The following VWDE variants were observed in gnomAD, a reference collection of about 807,000 sequenced individuals.
The protein encoded by VWDE is von Willebrand factor D and EGF domain-containing protein.
In VWDE, 207 loss-of-function variants were observed where a neutral mutation model predicts 178.4. The ratio of observed to expected loss-of-function variants is 1.16; its 90% CI spans 1.04 to 1.30. VWDE has a LOEUF of 1.30. VWDE is among the 50% of genes most tolerant of loss of function. The pLI is 0.00. For missense variants in VWDE, 2,287 were observed against 1,901.3 expected (o/e 1.20, Z -3.77); for synonymous variants, 738 against 651.4 (o/e 1.13, Z -2.02).
intron 1 of VWDE, among the ~76,000 whole-genome samples, chr7:12,394,486 C>T (rs1263389120): frequency 6.6e-6 from 1 of 152,006 alleles, no homozygotes; most frequent in Non-Finnish European, 1.5e-5. Flanking sequence ...AGTCTTTGGC[C>T]TGGAAGATAC....
At chr7:12,402,238 C>T (rs909912835) in intron 1 of VWDE, among the ~76,000 whole-genome samples, 1 of 152,146 alleles carries the variant, frequency 6.6e-6, no homozygotes, top group African/African-American at 2.4e-5. Flanking sequence ...GTGGTCATCG[C>T]TGCATATACC....
chr7:12,395,653 C>A (rs1003244753), intron 1 of VWDE, among the ~76,000 whole-genome samples: 1 of 151,852 alleles, frequency 6.6e-6, no homozygotes, highest in African/African-American at 2.4e-5. Flanking sequence ...ATTTTAAATT[C>A]ATATATTTTA....
At chr7:12,352,192 T>C (rs1379089639) in intron 18 of VWDE, among the ~76,000 whole-genome samples, 1 of 152,202 alleles carries the variant, frequency 6.6e-6, no homozygotes, top group Non-Finnish European at 1.5e-5. Context: ...CCTCAATCTG[T>C]TATAGCAGCC....
chr7:12,340,899 C>G (rs552972716), intron 23 of VWDE, among the ~76,000 whole-genome samples: 14 of 152,304 alleles, frequency 9.2e-5, no homozygotes, highest in African/African-American at 3.4e-4. Flanking sequence ...GCACTCAAGT[C>G]CTAGCACACT....
At chr7:12,401,594 C>A (rs1290192682) in intron 1 of VWDE, among the ~76,000 whole-genome samples, 1 of 152,074 alleles carries the variant, frequency 6.6e-6, no homozygotes, top group Non-Finnish European at 1.5e-5. Flanking sequence ...CAATGAAATA[C>A]CACTTCACAA....
intron 3 of VWDE, among the ~76,000 whole-genome samples, chr7:12,386,996 T>C (rs946906942): frequency 4.6e-5 from 7 of 152,182 alleles, no homozygotes; most frequent in Non-Finnish European, 1.0e-4. Flanking sequence ...TTAATAAATT[T>C]TATAAGTTTA....
chr7:12,357,329 G>C lies in VWDE; in HGVS notation c.3461C>G (p.Thr1154Ser). 2 of 1,552,186 alleles carry C rather than the reference G, an allele frequency of 1.3e-6. No homozygotes were observed. The highest frequency in any genetic ancestry group is 1.2e-5 in the South Asian group (1 of 84,060). ...GLFMWKTDLL[T>S]TQQITVRLND... ...AAGGCGTACAGTAATTTGTTGGGTAGTTAGTAAATCTGTTTTCCACATAAA... is the reference window on the plus strand; with the variant it reads ...AAGGCGTACAGTAATTTGTTGGGTACTTAGTAAATCTGTTTTCCACATAAA... Residue 1154 changes from threonine to serine, a missense_variant, in exon 17 of 29, where the codon ACT becomes AGT. Thr to Ser is a moderately conservative substitution (Grantham distance 58). Transcript: ENST00000275358.
intron 19 of VWDE, among the ~76,000 whole-genome samples, chr7:12,348,104 C>T (rs889680796): frequency 2.0e-5 from 3 of 151,890 alleles, no homozygotes; most frequent in African/African-American, 7.3e-5. Context: ...AACGTTAGAC[C>T]TAAAACCATA....
chr7:12,384,177 G>A (rs1583338714), intron 3 of VWDE, among the ~76,000 whole-genome samples: 1 of 151,996 alleles, frequency 6.6e-6, no homozygotes, highest in East Asian at 1.9e-4. Context: ...GCCTTAAAAA[G>A]AATTGAGCTA....
intron 1 of VWDE, among the ~76,000 whole-genome samples, chr7:12,394,924 A>G (rs1784554057): frequency 6.6e-6 from 1 of 152,192 alleles, no homozygotes; most frequent in Non-Finnish European, 1.5e-5. Flanking sequence ...GGAGAACAAA[A>G]AATCAGAGAT....
rs745320067 is a variant in VWDE, at chr7:12,370,213, T to TC, written c.2092dup (p.Glu698GlyfsTer9). ...TTTAGTCAGGTTTATGTGTTTTTTT[T>TC]CTTGCAGAAATAAATTTAGATTATA... On this transcript the variant is annotated frameshift_variant, in exon 12 of 29. Transcript: ENST00000275358. LOFTEE classifies it high-confidence loss of function. 3.1e-5 allele frequency: 48 copies of TC among 1,551,102 alleles called. No homozygotes were observed. In the South Asian group the frequency reaches 5.5e-4, roughly 18 times the overall value.
chr7:12,339,606 T>C (rs1264489555), intron 24 of VWDE, among the ~76,000 whole-genome samples: 2 of 152,118 alleles, frequency 1.3e-5, no homozygotes, highest in Non-Finnish European at 2.9e-5. Flanking sequence ...CAAATCAAAG[T>C]GCATCGTGGC....
At chr7:12,401,750 A>G (rs1784905404) in intron 1 of VWDE, among the ~76,000 whole-genome samples, 1 of 152,188 alleles carries the variant, frequency 6.6e-6, no homozygotes, top group Non-Finnish European at 1.5e-5. Context: ...TAAGTAGTTA[A>G]TCACAGAGTT....
intron 3 of VWDE, among the ~76,000 whole-genome samples, chr7:12,388,120 T>C (rs1434013371): frequency 2.0e-5 from 3 of 152,172 alleles, no homozygotes; most frequent in Non-Finnish European, 4.4e-5. Context: ...TTTTTTATTC[T>C]TTCCTGGTTT....
At chr7:12,363,343 A>G (rs531361688) in intron 13 of VWDE, among the ~76,000 whole-genome samples, 1 of 152,186 alleles carries the variant, frequency 6.6e-6, no homozygotes, top group Admixed American at 6.6e-5. Context: ...CAGCATAAAC[A>G]GGAAGTTCAA....
chr7:12,365,327 GAT>G (rs1259206553), intron 13 of VWDE, among the ~76,000 whole-genome samples: 1 of 152,082 alleles, frequency 6.6e-6, no homozygotes, highest in East Asian at 1.9e-4. Flanking sequence ...TTATAAATAA[GAT>G]ATTAACTTTA....
In VWDE at chr7:12,370,297, T is replaced by C. The variant is rs1276199897; in HGVS notation, c.2009A>G (p.Glu670Gly). The C allele has an allele frequency of 6.4e-7, 1 of 1,551,226 alleles. No homozygotes were observed. The highest frequency in any genetic ancestry group is 8.7e-7 in the Non-Finnish European group (1 of 1,146,846). The change falls in exon 12 of 29, where the codon GAA becomes GGA. Residue 670 changes from glutamate to glycine, a missense_variant. Glu to Gly is a moderately conservative substitution (Grantham distance 98, BLOSUM62 -2). Transcript: ENST00000275358. ...GACAAGAGTGTCTGAATTAATATAT[T>C]CGGAGGTGACATCTAGTTCTGGTAT... Reference protein sequence around the residue: ...SLIPELDVTSEYINSDTLVRE... With the variant: ...SLIPELDVTSGYINSDTLVRE...
chr7:12,400,431 C>T (rs1784844770), intron 1 of VWDE, among the ~76,000 whole-genome samples: 1 of 151,960 alleles, frequency 6.6e-6, no homozygotes, highest in Non-Finnish European at 1.5e-5. Flanking sequence ...CTGCTATATG[C>T]CAATAATTAT....
At chr7:12,389,970 C>G (rs1319259573) in intron 2 of VWDE, among the ~76,000 whole-genome samples, 1 of 152,072 alleles carries the variant, frequency 6.6e-6, no homozygotes, top group Non-Finnish European at 1.5e-5. Context: ...CGAGACTATC[C>G]TGGCTAACAT....
Sources: gnomAD v4.1 joint callset for allele counts (sites outside exome capture counted in the v4.1 genomes callset) on GRCh38, gnomAD v4.1.1 for gene constraint, MANE v1.5 for transcripts, NCBI Gene and HGNC (gene_info 2026-07-23, HGNC 2026-07-21) for gene names.